STS: variants seen among roughly 807,000 people sequenced by gnomAD.
The protein encoded by STS is steroid sulfatase.
STS carries 7 observed loss-of-function variants against 26.8 expected under a neutral mutation model. The observed-to-expected ratio is 0.26, with a 90% CI of 0.15 to 0.49. The LOEUF is 0.49. Ranked by LOEUF, STS falls within the 20% of genes least tolerant of loss-of-function variation. The pLI is 0.98. For missense variants in STS, 434 were observed against 465.6 expected, an observed-to-expected ratio of 0.93 and a Z score of 0.63; for synonymous variants, 199 against 189.4, an observed-to-expected ratio of 1.05 and a Z score of -0.42.
At chrX:7,221,930 C>G (rs1342163112) in intron 2 of STS, among the ~76,000 whole-genome samples, 2 of 111,273 alleles carry the variant, frequency 1.8e-5, no homozygotes, top group African/African-American at 6.5e-5. Flanking sequence ...AAACCCCAAC[C>G]CCCAAAATGA....
chrX:7,219,625 A>G, intron 2 of STS: 1 of 1,210,897 alleles, frequency 8.3e-7, no homozygotes, highest in Non-Finnish European at 1.1e-6. Context: ...GTGAAGTTGC[A>G]ATCTCCTCCA....
upstream of STS, among the ~76,000 whole-genome samples, chrX:7,147,687 G>A (rs1932898464): frequency 8.9e-6 from 1 of 112,045 alleles, no homozygotes. Context: ...ACCGAAAAGA[G>A]AGCGCGGAGG....
At chrX:7,314,786 C>T in intron 8 of STS, among the ~76,000 whole-genome samples, 1 of 112,108 alleles carries the variant, frequency 8.9e-6, no homozygotes, top group Middle Eastern at 4.6e-3. Flanking sequence ...GCGTGCTCTG[C>T]AGGAGAGAAA....
intron 2 of STS, among the ~76,000 whole-genome samples, chrX:7,204,034 A>C (rs1006396206): frequency 4.0e-4 from 45 of 111,560 alleles, no homozygotes; most frequent in African/African-American, 1.4e-3. Flanking sequence ...ATCCTCCCAC[A>C]CTTGGCCTCC....
At chrX:7,320,772 A>G (rs1926989595) in intron 8 of STS, among the ~76,000 whole-genome samples, 1 of 111,958 alleles carries the variant, frequency 8.9e-6, no homozygotes, top group Non-Finnish European at 1.9e-5. Context: ...GAATCACAGT[A>G]TCTGTCAGAG....
chrX:7,325,220 G>A, intron 8 of STS, 119 bp from the exon 9 acceptor site: 2 of 720,338 alleles, frequency 2.8e-6, no homozygotes, highest in South Asian at 2.3e-5. Context: ...CTCATAGATG[G>A]AATCTATGTA....
intron 1 of STS, among the ~76,000 whole-genome samples, chrX:7,187,322 A>G (rs760000679): frequency 1.8e-5 from 2 of 112,250 alleles, no homozygotes; most frequent in East Asian, 2.8e-4. Flanking sequence ...TTCAGTGCTT[A>G]CTTCTACATG....
chrX:7,350,883 A>T lies in STS; in HGVS notation c.*622A>T, dbSNP rs866218278. On this transcript the variant is annotated 3_prime_UTR_variant, in exon 11 of 11. Transcript: ENST00000674429. ...ATCAAATGCTTGCTCTTCATCATAT[A>T]TATAGTTATGCATACATACACACAC... 1 of 113,798 alleles carries T rather than the reference A, an allele frequency of 8.8e-6. No individual in the cohort carries two copies. The highest frequency in any genetic ancestry group is 3.2e-5 in the African/African-American group (1 of 30,852). The allele number at this position is 113,798 out of a possible 1,213,427, so 9.4% of individuals were successfully genotyped here. A position where few individuals can be genotyped will look rare whatever the true frequency, so the allele number is the denominator to read the frequency against.
At chrX:7,317,004 T>C (rs1926739730) in intron 8 of STS, among the ~76,000 whole-genome samples, 1 of 112,164 alleles carries the variant, frequency 8.9e-6, no homozygotes. Context: ...TTTGACCTGC[T>C]GTGTGGTAGC....
chrX:7,347,483 C>T (rs957386476), intron 10 of STS, among the ~76,000 whole-genome samples: 1 of 111,929 alleles, frequency 8.9e-6, no homozygotes, highest in African/African-American at 3.3e-5. Context: ...ACTGCCATTC[C>T]CAGGCCGGGG....
intron 2 of STS, chrX:7,252,376 TACCTGCTA>T: frequency 3.3e-6 from 2 of 603,701 alleles, no homozygotes; most frequent in Non-Finnish European, 4.0e-6. Flanking sequence ...ACTGCACACC[TACCTGCTA>T]CCTTCCGGGG....
intron 2 of STS, among the ~76,000 whole-genome samples, chrX:7,222,476 A>T (rs1921611667): frequency 2.1e-5 from 2 of 95,546 alleles, no homozygotes; most frequent in Admixed American, 2.5e-4. Context: ...ACCCCTCCCC[A>T]GTGGGATTGA....
At chrX:7,222,528 CA>C (rs770658761) in intron 2 of STS, among the ~76,000 whole-genome samples, 48 of 39,419 alleles carry the variant, frequency 1.2e-3, no homozygotes, top group South Asian at 0.01. Context: ...CCCTCAGCTG[CA>C]AAAAAAAAAA....
Position 7,338,296 on chromosome X carries a change from G to A in STS, c.1363+4189G>A, listed in dbSNP as rs759527196. On this transcript the variant is annotated intron_variant, in intron 10 of 10. Coordinates refer to ENST00000674429, the MANE Select transcript of STS (RefSeq NM_001320752.2). Reference sequence around the variant, plus strand: ...GGATACTTGGCTCCAGGATTTTTAAGCTGATGACTGTAGTCTGTGAGATAA... The same window carrying A: ...GGATACTTGGCTCCAGGATTTTTAAACTGATGACTGTAGTCTGTGAGATAA... Among the ~76,000 whole-genome samples the A allele has an allele frequency of 1.4e-4, 16 of 112,016 alleles. No individual in the cohort carries two copies. In the South Asian group the frequency reaches 6.0e-3, roughly 42 times the overall value.
At chrX:7,268,349 C>T (rs148643101) in intron 6 of STS, among the ~76,000 whole-genome samples, 7 of 111,760 alleles carry the variant, frequency 6.3e-5, no homozygotes, top group East Asian at 5.6e-4. Flanking sequence ...GTCACAATCC[C>T]GAAATGCATT....
intron 1 of STS, among the ~76,000 whole-genome samples, chrX:7,156,670 T>C (rs1451917924): frequency 2.1e-4 from 24 of 112,349 alleles, no homozygotes; most frequent in Admixed American, 1.7e-3. Context: ...ACTTGGGTTT[T>C]GGTTTAATAA....
chrX:7,350,309 C>T lies in STS; in HGVS notation c.*48C>T, dbSNP rs1401645772. The T allele has an allele frequency of 2.5e-6, 3 of 1,176,863 alleles. No individual in the cohort carries two copies. In the African/African-American group the frequency reaches 5.3e-5, roughly 21 times the overall value. ...CGCATGTGGCAAAGCTCACCATCTTCACTACAAACACGCCTGAGAGTGGCA... is the reference window on the plus strand; with the variant it reads ...CGCATGTGGCAAAGCTCACCATCTTTACTACAAACACGCCTGAGAGTGGCA... On this transcript the variant is annotated 3_prime_UTR_variant, in exon 11 of 11. Transcript: ENST00000674429.
chrX:7,291,348 G>T (rs1006080661), intron 7 of STS, among the ~76,000 whole-genome samples: 7 of 111,620 alleles, frequency 6.3e-5, no homozygotes, highest in Admixed American at 1.9e-4. Context: ...TCTTGGGGAG[G>T]TAAACACTTA....
At chrX:7,239,141 C>A (rs1295414743) in intron 2 of STS, among the ~76,000 whole-genome samples, 1 of 111,653 alleles carries the variant, frequency 9.0e-6, no homozygotes, top group African/African-American at 3.3e-5. Context: ...ATCAATAAAA[C>A]ATGAACATTT....
Sources: gnomAD v4.1 joint callset for allele counts (sites outside exome capture counted in the v4.1 genomes callset) on GRCh38, gnomAD v4.1.1 for gene constraint, MANE v1.5 for transcripts, NCBI Gene and HGNC (gene_info 2026-07-23, HGNC 2026-07-21) for gene names.